The following PAPPA variants were observed in gnomAD, a reference collection of about 807,000 sequenced individuals.
The protein encoded by PAPPA is pappalysin-1.
A neutral mutation model predicts 164.0 loss-of-function variants in PAPPA; 60 were observed. That is an observed-to-expected ratio of 0.37 (90% CI 0.30 to 0.45). The LOEUF (loss-of-function observed/expected upper bound fraction) is 0.45, where lower values mean the gene tolerates loss of function less well. PAPPA is among the 20% of genes least tolerant of loss of function. The probability of loss-of-function intolerance (pLI) is 1.00; values close to 1 mark genes in which losing one functional copy is unlikely to be tolerated. For synonymous variants in PAPPA, 875 were observed against 814.1 expected (o/e 1.07, Z -1.27); for missense variants, 1,782 against 2,087.3 (o/e 0.85, Z 2.85).
intron 10 of PAPPA, among the ~76,000 whole-genome samples, chr9:116,312,386 C>A (rs1195591384): frequency 6.7e-6 from 1 of 149,566 alleles, no homozygotes; most frequent in African/African-American, 2.5e-5. Context: ...ATGTTCTGTA[C>A]CCAAGAAACA....
At chr9:116,244,331 A>G (rs1844771621) in intron 7 of PAPPA, among the ~76,000 whole-genome samples, 1 of 152,236 alleles carries the variant, frequency 6.6e-6, no homozygotes, top group Non-Finnish European at 1.5e-5. Context: ...TCTCTTCTAC[A>G]GATGGGCAAA....
chr9:116,164,832 A>AG (rs1843703234), intron 1 of PAPPA, among the ~76,000 whole-genome samples: 1 of 152,202 alleles, frequency 6.6e-6, no homozygotes, highest in Admixed American at 6.5e-5. Flanking sequence ...TTAAGATGCA[A>AG]GGCACCCAGG....
At chr9:116,194,420 T>C (rs539103501) in intron 2 of PAPPA, among the ~76,000 whole-genome samples, 3 of 152,346 alleles carry the variant, frequency 2.0e-5, no homozygotes, top group African/African-American at 7.2e-5. Context: ...CCAGTAATCA[T>C]GTAAAAGAAA....
At chr9:116,217,099 C>T (rs1027585854) in intron 4 of PAPPA, among the ~76,000 whole-genome samples, 4 of 152,156 alleles carry the variant, frequency 2.6e-5, no homozygotes, top group African/African-American at 9.7e-5. Context: ...CCATCACCTA[C>T]CCATTTTTTC....
chr9:116,328,235 T>A (rs1845944742), intron 10 of PAPPA, among the ~76,000 whole-genome samples: 1 of 152,192 alleles, frequency 6.6e-6, no homozygotes, highest in South Asian at 2.1e-4. Context: ...ACATGTCGAA[T>A]TGCTGGCCTG....
intron 2 of PAPPA, among the ~76,000 whole-genome samples, chr9:116,196,350 C>T (rs533570304): frequency 2.6e-4 from 40 of 152,224 alleles, no homozygotes; most frequent in Middle Eastern, 3.4e-3. Context: ...TTTTCCCACC[C>T]TGGGTTTGGC....
At chr9:116,276,683 C>A (rs1009674614) in intron 9 of PAPPA, among the ~76,000 whole-genome samples, 1 of 152,178 alleles carries the variant, frequency 6.6e-6, no homozygotes, top group Non-Finnish European at 1.5e-5. Context: ...GACGTGGAGG[C>A]ATTCCCTGTG....
At position 116,198,672 on chromosome 9, in the gene PAPPA, G is replaced by A. The variant is rs76361702; in HGVS notation, c.1479-8784G>A. On this transcript the variant is annotated intron_variant, in intron 2 of 21. Coordinates refer to ENST00000328252, the MANE Select transcript of PAPPA (RefSeq NM_002581.5). ...TAGGCTGTGTCCTAAAGGATGATTCGTGTTAACCTAGTGAGTGTAGCTGAG... is the reference window on the plus strand; with the variant it reads ...TAGGCTGTGTCCTAAAGGATGATTCATGTTAACCTAGTGAGTGTAGCTGAG... Among the ~76,000 whole-genome samples the A allele has an allele frequency of 0.01, 1,553 of 152,288 alleles. 35 individuals carry two copies. In the East Asian group the frequency reaches 0.11, roughly 10 times the overall value.
chr9:116,329,330 C>G (rs1371498297), intron 10 of PAPPA, among the ~76,000 whole-genome samples: 1 of 152,056 alleles, frequency 6.6e-6, no homozygotes, highest in Admixed American at 6.6e-5. Context: ...CAATGGCTTT[C>G]TAAGCTAACA....
At chr9:116,212,969 A>G (rs1435535498) in intron 4 of PAPPA, among the ~76,000 whole-genome samples, 6 of 152,144 alleles carry the variant, frequency 3.9e-5, no homozygotes, top group African/African-American at 1.4e-4. Context: ...CACTGAAATC[A>G]TTTGCACCAA....
chr9:116,188,992 G>T (rs757826896), intron 2 of PAPPA, among the ~76,000 whole-genome samples: 1 of 152,206 alleles, frequency 6.6e-6, no homozygotes, highest in East Asian at 1.9e-4. Flanking sequence ...AAGGTAGTGT[G>T]CTGTGTTTAG....
chr9:116,319,946 C>T (rs1410541809), intron 10 of PAPPA, among the ~76,000 whole-genome samples: 1 of 152,180 alleles, frequency 6.6e-6, no homozygotes, highest in Non-Finnish European at 1.5e-5. Context: ...TCTTAGGCCT[C>T]TAACATAAGC....
intron 9 of PAPPA, among the ~76,000 whole-genome samples, chr9:116,282,570 T>G (rs1845280643): frequency 6.6e-6 from 1 of 152,238 alleles, no homozygotes; most frequent in African/African-American, 2.4e-5. Context: ...ATGAGGTAGT[T>G]TTAACATTAT....
chr9:116,235,715 G>C, intron 7 of PAPPA, 78 bp downstream of exon 7: 1 of 1,387,802 alleles, frequency 7.2e-7, no homozygotes, highest in Non-Finnish European at 1.0e-6. Flanking sequence ...GAGAGGCCTG[G>C]ACAGGGGGAA....
intron 8 of PAPPA, among the ~76,000 whole-genome samples, chr9:116,267,881 CAAAAAAAA>C (rs61670954): frequency 3.5e-5 from 2 of 57,586 alleles, no homozygotes; most frequent in Non-Finnish European, 3.3e-5. Flanking sequence ...GACTCCGTCT[CAAAAAAAA>C]AAAAAAAAAA....
chr9:116,232,731 T>C (rs1279252063), intron 6 of PAPPA, among the ~76,000 whole-genome samples: 1 of 152,242 alleles, frequency 6.6e-6, no homozygotes, highest in African/African-American at 2.4e-5. Flanking sequence ...TGGTTACACT[T>C]GGTGCCTCTA....
At chr9:116,385,467 A>ACTT (rs1846797354) in intron 21 of PAPPA, among the ~76,000 whole-genome samples, 2 of 151,984 alleles carry the variant, frequency 1.3e-5, no homozygotes, top group South Asian at 4.2e-4. Context: ...TATTATAGTA[A>ACTT]CTTTACCGTA....
At chr9:116,207,387 A>G (rs1844248834) in intron 2 of PAPPA, 69 bp from the exon 3 acceptor site, 1 of 1,205,884 alleles carries the variant, frequency 8.3e-7, no homozygotes, top group African/African-American at 1.7e-5. Context: ...AGTAGCTCTA[A>G]ATTATTTGGA....
chr9:116,325,713 A>C (rs1564226521), intron 10 of PAPPA, among the ~76,000 whole-genome samples: 1 of 152,134 alleles, frequency 6.6e-6, no homozygotes. Flanking sequence ...GGTGTTGGGC[A>C]CTAGAATTGC....
Sources: allele counts gnomAD v4.1 joint callset (sites outside exome capture counted in the v4.1 genomes callset), GRCh38; gene constraint gnomAD v4.1.1; transcripts MANE v1.5; gene names NCBI Gene and HGNC (gene_info 2026-07-23, HGNC 2026-07-21).